PRDM11: variants seen among roughly 807,000 people sequenced by gnomAD.
The protein encoded by PRDM11 is PR domain-containing protein 11.
In PRDM11, 20 loss-of-function variants were observed where a neutral mutation model predicts 97.8. The ratio of observed to expected loss-of-function variants is 0.20; its 90% confidence interval spans 0.14 to 0.30. The LOEUF is 0.30. Among genes scored for constraint, PRDM11 ranks in the 10% least tolerant of loss-of-function variants. The probability of loss-of-function intolerance (pLI) is 1.00; values close to 1 mark genes in which losing one functional copy is unlikely to be tolerated. For synonymous variants in PRDM11, 599 were observed against 637.7 expected, an observed-to-expected ratio of 0.94 and a Z score of 0.91; for missense variants, 1,139 against 1,555.2, an observed-to-expected ratio of 0.73 and a Z score of 4.50.
intron 1 of PRDM11, among the ~76,000 whole-genome samples, chr11:45,114,833 T>A (rs1852266600): frequency 6.6e-6 from 1 of 151,784 alleles, no homozygotes; most frequent in South Asian, 2.1e-4. Flanking sequence ...AAAAAAAAAC[T>A]TAGAATTATA....
At chr11:45,099,320 G>A (rs915402822) in intron 1 of PRDM11, among the ~76,000 whole-genome samples, 2 of 152,046 alleles carry the variant, frequency 1.3e-5, no homozygotes, top group African/African-American at 4.8e-5. Context: ...GTGTGGTGAT[G>A]TGTGCCTGTA....
chr11:45,139,335 G>A (rs960736847), intron 1 of PRDM11, among the ~76,000 whole-genome samples: 17 of 152,142 alleles, frequency 1.1e-4, no homozygotes, highest in African/African-American at 3.1e-4. Flanking sequence ...TTGGGAGGCC[G>A]AGGCAGATGG....
intron 1 of PRDM11, among the ~76,000 whole-genome samples, chr11:45,111,214 C>CTTGGGCCCGTGG: frequency 8.1e-6 from 1 of 122,840 alleles, no homozygotes; most frequent in East Asian, 2.1e-4. Context: ...TCTTACAATC[C>CTTGGGCCCGTGG]ATCCCACCCT....
chr11:45,187,338 A>G (rs1358751064), intron 4 of PRDM11, among the ~76,000 whole-genome samples: 1 of 152,154 alleles, frequency 6.6e-6, no homozygotes, highest in East Asian at 1.9e-4. Flanking sequence ...TGCAGGAGAA[A>G]AAATCTAAGA....
chr11:45,099,713 A>C (rs1459713823), intron 1 of PRDM11, among the ~76,000 whole-genome samples: 1 of 152,208 alleles, frequency 6.6e-6, no homozygotes, highest in Non-Finnish European at 1.5e-5. Context: ...TGTGTTATAA[A>C]CAATCCAATT....
At chr11:45,174,416 T>C (rs1342192197) in intron 1 of PRDM11, among the ~76,000 whole-genome samples, 2 of 152,184 alleles carry the variant, frequency 1.3e-5, no homozygotes, top group East Asian at 3.8e-4. Context: ...GATGAATTAA[T>C]TATTACCTAA....
intron 1 of PRDM11, among the ~76,000 whole-genome samples, chr11:45,125,260 A>G (rs913365389): frequency 1.7e-4 from 26 of 151,962 alleles, no homozygotes; most frequent in African/African-American, 6.3e-4. Context: ...CTAGCGGTCT[A>G]TCAATTTTGT....
intron 1 of PRDM11, among the ~76,000 whole-genome samples, chr11:45,129,803 C>T (rs2135644524): frequency 6.6e-6 from 1 of 151,156 alleles, no homozygotes; most frequent in South Asian, 2.1e-4. Context: ...TATAAAAATG[C>T]AAAAAAAACC....
At chr11:45,110,369 C>T (rs944810299) in intron 1 of PRDM11, among the ~76,000 whole-genome samples, 8 of 152,054 alleles carry the variant, frequency 5.3e-5, no homozygotes, top group Non-Finnish European at 8.8e-5. Context: ...ACCAGGAAAA[C>T]GTAAAAGGGG....
intron 5 of PRDM11, chr11:45,212,638 C>G (rs550762404): frequency 2.8e-5 from 13 of 456,362 alleles, no homozygotes; most frequent in African/African-American, 1.8e-4. Context: ...TGCCCCATCC[C>G]TCGCCCCAGG....
At chr11:45,117,338 A>G (rs1315323430) in intron 1 of PRDM11, among the ~76,000 whole-genome samples, 1 of 152,174 alleles carries the variant, frequency 6.6e-6, no homozygotes, top group African/African-American at 2.4e-5. Context: ...ATAAATATCC[A>G]TAAGTCCATA....
At chr11:45,133,322 C>G (rs1852761193) in intron 1 of PRDM11, among the ~76,000 whole-genome samples, 1 of 152,176 alleles carries the variant, frequency 6.6e-6, no homozygotes, top group African/African-American at 2.4e-5. Context: ...CTGAGGAAAT[C>G]CTTAAGTTCT....
intron 1 of PRDM11, among the ~76,000 whole-genome samples, chr11:45,148,285 T>C (rs1851574193): frequency 6.6e-6 from 1 of 152,198 alleles, no homozygotes; most frequent in African/African-American, 2.4e-5. Context: ...TTCACATCGT[T>C]GTCTTTGGCC....
chr11:45,129,287 G>GA (rs1852663747), intron 1 of PRDM11, among the ~76,000 whole-genome samples: 2 of 152,136 alleles, frequency 1.3e-5, no homozygotes, highest in Non-Finnish European at 2.9e-5. Context: ...TCGTACTGAA[G>GA]ATCCTAGCCA....
At chr11:45,221,346 G>A (rs554611666) in intron 6 of PRDM11, among the ~76,000 whole-genome samples, 1 of 152,268 alleles carries the variant, frequency 6.6e-6, no homozygotes, top group African/African-American at 2.4e-5. Flanking sequence ...ATGTAAAAGT[G>A]CCTGATACAT....
chr11:45,178,363 C>T lies in PRDM11; in HGVS notation c.-6-3398C>T, dbSNP rs567429470. Among the ~76,000 whole-genome samples the T allele has an allele frequency of 3.9e-5, 6 of 152,236 alleles. No individual in the cohort carries two copies. In the East Asian group the frequency reaches 1.2e-3, roughly 29 times the overall value. On this transcript the variant is annotated intron_variant, in intron 1 of 7. Coordinates refer to ENST00000683152, the MANE Select transcript of PRDM11 (RefSeq NM_001384648.1). ...ACGTGCCATGGCCACACTGATTATCCTCCCCAACTTATCGTCAGAATCCGG... is the reference window on the plus strand; with the variant it reads ...ACGTGCCATGGCCACACTGATTATCTTCCCCAACTTATCGTCAGAATCCGG...
At chr11:45,143,437 G>A (rs556985605), upstream of PRDM11, among the ~76,000 whole-genome samples, 2 of 152,218 alleles carry the variant, frequency 1.3e-5, no homozygotes, top group East Asian at 3.9e-4. Context: ...AGGTGACTGG[G>A]ATTGTTAGTA....
chr11:45,167,759 C>CCACACACACA (rs34333065), intron 1 of PRDM11, among the ~76,000 whole-genome samples: 32 of 143,322 alleles, frequency 2.2e-4, no homozygotes, highest in East Asian at 1.3e-3. Context: ...TCATTTCACA[C>CCACACACACA]CACACACACA....
intron 4 of PRDM11, 63 bp downstream of exon 4, chr11:45,183,186 G>A (rs1329929602): frequency 1.3e-6 from 2 of 1,547,224 alleles, no homozygotes; most frequent in Non-Finnish European, 1.7e-6. Flanking sequence ...AAACCACCAG[G>A]GGGAGCCATA....
Sources: gnomAD v4.1 joint callset for allele counts (sites outside exome capture counted in the v4.1 genomes callset) on GRCh38, gnomAD v4.1.1 for gene constraint, MANE v1.5 for transcripts, NCBI Gene and HGNC (gene_info 2026-07-23, HGNC 2026-07-21) for gene names.